The following NKTR variants were observed in gnomAD, a reference collection of about 807,000 sequenced individuals.
NKTR encodes the protein NK-tumor recognition protein.
Under a neutral mutation model 156.3 loss-of-function variants are expected in NKTR, and 67 were observed. That is an observed-to-expected ratio of 0.43 (90% CI 0.35 to 0.53). The LOEUF is 0.53. Ranked by LOEUF, NKTR falls within the 20% of genes least tolerant of loss-of-function variation. The probability of loss-of-function intolerance (pLI) is 0.01; values close to 1 mark genes in which losing one functional copy is unlikely to be tolerated. For missense variants in NKTR, 1,604 were observed against 1,730.9 expected, an observed-to-expected ratio of 0.93 and a Z score of 1.30; for synonymous variants, 640 against 596.6, an observed-to-expected ratio of 1.07 and a Z score of -1.06.
chr3:42,623,472 G>A (rs1708103284), intron 6 of NKTR, among the ~76,000 whole-genome samples: 1 of 151,858 alleles, frequency 6.6e-6, no homozygotes, highest in Non-Finnish European at 1.5e-5. Context: ...CTTTATGCTG[G>A]CTAGAAAGAT....
chr3:42,609,764 C>T (rs540258797), intron 2 of NKTR, among the ~76,000 whole-genome samples: 7 of 152,130 alleles, frequency 4.6e-5, no homozygotes, highest in Non-Finnish European at 1.0e-4. Flanking sequence ...ATCCTATACT[C>T]TTATGGTTAT....
intron 2 of NKTR, among the ~76,000 whole-genome samples, chr3:42,605,602 A>T (rs1706155053): frequency 6.6e-6 from 1 of 152,220 alleles, no homozygotes. Flanking sequence ...ATTTGCTTAT[A>T]TTCAAAATTA....
chr3:42,618,689 C>G (rs995485161), intron 3 of NKTR, among the ~76,000 whole-genome samples: 1 of 152,134 alleles, frequency 6.6e-6, no homozygotes, highest in African/African-American at 2.4e-5. Flanking sequence ...CTCAAGTGAT[C>G]TGCCTCGGCC....
At chr3:42,618,237 G>A (rs1707576781) in intron 3 of NKTR, among the ~76,000 whole-genome samples, 1 of 151,146 alleles carries the variant, frequency 6.6e-6, no homozygotes, top group Non-Finnish European at 1.5e-5. Context: ...TGTAATCCCA[G>A]CTACTCAGGA....
chr3:42,621,345 C>G, intron 5 of NKTR, 84 bp from the exon 6 acceptor site: 1 of 1,497,866 alleles, frequency 6.7e-7, no homozygotes, highest in Non-Finnish European at 8.9e-7. Context: ...GGAATTTCAT[C>G]TTTTGCTTTC....
rs1388560350 is a variant in NKTR at position 42,638,809 on chromosome 3, T to C, written c.3105T>C (p.Val1035=). The C allele has an allele frequency of 6.2e-7, 1 of 1,607,980 alleles. No individual in the cohort carries two copies. Among genetic ancestry groups the C allele is most frequent in the African/African-American group, 1.3e-5 (1 of 74,288 alleles). The change falls in exon 13 of 17, where the codon GTT becomes GTC. Residue 1035 remains valine, a synonymous_variant. Transcript: ENST00000232978. ...AGGAGGAGATTGATGACAAGCAAGT[T>C]ACTCAGGAATCAAAAGAGAAAAAAG... ...EEEEEIDDKQ[V]TQESKEKKVS...
At chr3:42,618,351 CAAAAA>C (rs370572858) in intron 3 of NKTR, among the ~76,000 whole-genome samples, 1 of 73,820 alleles carries the variant, frequency 1.4e-5, no homozygotes, top group Admixed American at 1.5e-4. Flanking sequence ...GACTTTGTCT[CAAAAA>C]AAAAAAAAAA....
chr3:42,635,704 G>A (rs1709336915), intron 12 of NKTR, among the ~76,000 whole-genome samples: 2 of 151,594 alleles, frequency 1.3e-5, no homozygotes, highest in African/African-American at 2.4e-5. Context: ...CGGATCACGA[G>A]GTCAGGAGAT....
intron 2 of NKTR, among the ~76,000 whole-genome samples, chr3:42,605,104 A>G (rs997603367): frequency 3.9e-5 from 6 of 152,176 alleles, no homozygotes; most frequent in African/African-American, 1.4e-4. Flanking sequence ...TTATTATGTA[A>G]TGACACCTTA....
chr3:42,609,783 A>C (rs1330850121), intron 2 of NKTR, among the ~76,000 whole-genome samples: 2 of 152,034 alleles, frequency 1.3e-5, no homozygotes, highest in Non-Finnish European at 2.9e-5. Context: ...ATGTAGGTAG[A>C]ATGTTTCTTG....
chr3:42,608,107 A>G (rs57259216), intron 2 of NKTR, among the ~76,000 whole-genome samples: 25,816 of 149,084 alleles, frequency 0.17, 2,678 homozygotes, highest in African/African-American at 0.29. Flanking sequence ...CTCGTGCCTC[A>G]GCCTCCCAAG....
chr3:42,631,206 T>C lies in NKTR; in HGVS notation c.440T>C (p.Phe147Ser). 1 of 1,614,054 alleles carries C rather than the reference T, an allele frequency of 6.2e-7. No homozygotes were observed. Among genetic ancestry groups the C allele is most frequent in the Non-Finnish European group, 8.5e-7 (1 of 1,179,960 alleles). Residue 147 changes from phenylalanine (F) to serine (S), a missense_variant, in exon 8 of 17, where the codon TTT becomes TCT. Transcript: ENST00000232978. ...HVVFGLVISG[F>S]EVIEQIENLK... is the part of the protein sequence containing the mutation. ...GTCTTTGGACTGGTTATTTCTGGTT[T>C]TGAAGTAATCGAACAAATTGAAAAT...
intron 2 of NKTR, among the ~76,000 whole-genome samples, chr3:42,605,894 T>C (rs1424193500): frequency 6.6e-6 from 1 of 152,212 alleles, no homozygotes; most frequent in Non-Finnish European, 1.5e-5. Flanking sequence ...AATGCCATCT[T>C]ATAGATTGTA....
chr3:42,611,615 C>A (rs1224093431), intron 2 of NKTR, among the ~76,000 whole-genome samples: 4 of 151,854 alleles, frequency 2.6e-5, no homozygotes, highest in Non-Finnish European at 5.9e-5. Flanking sequence ...TGTCTATAAT[C>A]CTAGCTACTC....
In NKTR at chr3:42,606,300, C is replaced by T. The variant is rs538553514; in HGVS notation, c.58+5236C>T. 9.2e-5 allele frequency among the ~76,000 whole-genome samples: 14 copies of T among 152,172 alleles called. No individual in the cohort carries two copies. The South Asian group carries it at 2.5e-3, about 27-fold the overall frequency. ...AATAGTTATTTTTATATGTGATTTT[C>T]GATAATGCAGTGTTTCTTAAAATTC... On this transcript the variant is annotated intron_variant, in intron 2 of 16. Coordinates refer to ENST00000232978, the MANE Select transcript of NKTR (RefSeq NM_005385.4).
In NKTR at chr3:42,646,283, A is replaced by G. The variant is rs566295570; in HGVS notation, c.*308A>G. 3.6e-6 allele frequency: 1 copy of G among 274,206 alleles called. No individual in the cohort carries two copies. Among genetic ancestry groups the G allele is most frequent in the East Asian group, 8.2e-5 (1 of 12,160 alleles). The allele number at this position is 274,206 out of a possible 1,614,324, so 17.0% of individuals were successfully genotyped here. ...TATTATTTTAAGTCTATTTCACTCT[A>G]TCTTACGTATCCCTTAGAATACAGA... On this transcript the variant is annotated 3_prime_UTR_variant, in exon 17 of 17. Coordinates refer to ENST00000232978, the MANE Select transcript of NKTR (RefSeq NM_005385.4).
intron 5 of NKTR, chr3:42,620,745 A>T: frequency 1.0e-6 from 1 of 984,280 alleles, no homozygotes; most frequent in Non-Finnish European, 1.2e-6. Flanking sequence ...ACAGCTATTT[A>T]GCTGGTTCTG....
rs1233503157 is a variant in NKTR at position 42,639,698 on chromosome 3, G to C, written c.3994G>C (p.Val1332Leu). The change falls in exon 13 of 17, where the codon GTC becomes CTC. Residue 1332 changes from valine (V) to leucine (L), a missense_variant. By Grantham distance (32) the Val-to-Leu change is conservative. Transcript: ENST00000232978. ...CAAATCAAGACACAGAACAAGGTCT[G>C]TCTCCTATAGTCACTCAAGAAGTCG... Reference protein sequence around the residue: ...ETKSRHRTRSVSYSHSRSRSR... With the variant: ...ETKSRHRTRSLSYSHSRSRSR... 6.2e-7 allele frequency: 1 copy of C among 1,612,748 alleles called. No individual in the cohort carries two copies. Among genetic ancestry groups the C allele is most frequent in the African/African-American group, 1.3e-5 (1 of 74,858 alleles).
chr3:42,607,566 A>G (rs551067890), intron 2 of NKTR, among the ~76,000 whole-genome samples: 1 of 152,256 alleles, frequency 6.6e-6, no homozygotes, highest in Non-Finnish European at 1.5e-5. Context: ...TGAAAACCAA[A>G]TGGGTATATA....
Sources: allele counts gnomAD v4.1 joint callset (sites outside exome capture counted in the v4.1 genomes callset), GRCh38; gene constraint gnomAD v4.1.1; transcripts MANE v1.5; gene names NCBI Gene and HGNC (gene_info 2026-07-23, HGNC 2026-07-21).